STK4: variants seen among roughly 807,000 people sequenced by gnomAD.
The protein encoded by STK4 is serine/threonine-protein kinase 4.
A neutral mutation model predicts 64.9 loss-of-function variants in STK4; 30 were observed. That is an observed-to-expected ratio of 0.46 (90% CI 0.35 to 0.63). The LOEUF (loss-of-function observed/expected upper bound fraction) is 0.63. STK4 is among the 20% of genes least tolerant of loss of function. The pLI is 0.01. For missense variants in STK4, 466 were observed against 598.5 expected, an observed-to-expected ratio of 0.78 and a Z score of 2.31; for synonymous variants, 177 against 199.0, an observed-to-expected ratio of 0.89 and a Z score of 0.93.
chr20:44,978,576 A>T lies in STK4; in HGVS notation c.245+5A>T, dbSNP rs1320200335. ...TATAATGCAGCAATGTGACAGGTAA[A>T]GGCATGTGGGCTTCCTTTGGGGAGA... On this transcript the variant is annotated splice_donor_5th_base_variant and intron_variant, in intron 3 of 10. Coordinates refer to ENST00000372806, the MANE Select transcript of STK4 (RefSeq NM_006282.5). 1 of 1,613,694 alleles carries T rather than the reference A, an allele frequency of 6.2e-7. No homozygotes were observed.
At chr20:44,988,413 G>C (rs2067568659) in intron 5 of STK4, among the ~76,000 whole-genome samples, 1 of 151,106 alleles carries the variant, frequency 6.6e-6, no homozygotes, top group African/African-American at 2.4e-5. Context: ...TACTTGGGAG[G>C]CTGAACCTGG....
chr20:45,054,103 A>C (rs1978313315), intron 10 of STK4, among the ~76,000 whole-genome samples: 1 of 152,140 alleles, frequency 6.6e-6, no homozygotes, highest in Non-Finnish European at 1.5e-5. Context: ...TTGCCAGTTC[A>C]TTGTTACCAA....
At chr20:45,027,603 A>C (rs2068375249) in intron 10 of STK4, among the ~76,000 whole-genome samples, 1 of 152,258 alleles carries the variant, frequency 6.6e-6, no homozygotes, top group Non-Finnish European at 1.5e-5. Flanking sequence ...ATTACCTCAG[A>C]CGTTTTTCTT....
At chr20:45,021,448 A>G (rs1407022175) in intron 9 of STK4, among the ~76,000 whole-genome samples, 1 of 152,240 alleles carries the variant, frequency 6.6e-6, no homozygotes, top group Admixed American at 6.5e-5. Flanking sequence ...ACTCTCACAC[A>G]TGAAGAAAGA....
At chr20:45,017,010 A>G (rs1156999522) in intron 9 of STK4, among the ~76,000 whole-genome samples, 1 of 152,252 alleles carries the variant, frequency 6.6e-6, no homozygotes, top group Non-Finnish European at 1.5e-5. Flanking sequence ...AAGTGGATCT[A>G]TAAAGAAAAA....
intron 9 of STK4, among the ~76,000 whole-genome samples, chr20:45,003,115 C>G (rs2067870939): frequency 1.3e-5 from 2 of 152,052 alleles, no homozygotes; most frequent in Non-Finnish European, 2.9e-5. Flanking sequence ...TCAAACTATC[C>G]TCCCACCTCA....
chr20:45,075,724 T>G lies in STK4; in HGVS notation c.*548T>G, dbSNP rs1434363344. The G allele has an allele frequency of 6.5e-6, 1 of 152,804 alleles. No homozygotes were observed. The highest frequency in any genetic ancestry group is 2.4e-5 in the African/African-American group (1 of 41,446). 9.5% of individuals were successfully genotyped at this position (152,804 alleles called of 1,614,324 possible). A position where few individuals can be genotyped will look rare whatever the true frequency, so the allele number is the denominator to read the frequency against. Reference sequence around the variant, plus strand: ...GAATCCCAGGAGCCAACCTCCCCCTTTGCAGGGCTGCATTTAAAAATTAGG... The same window carrying G: ...GAATCCCAGGAGCCAACCTCCCCCTGTGCAGGGCTGCATTTAAAAATTAGG... On this transcript the variant is annotated 3_prime_UTR_variant, in exon 11 of 11. Transcript: ENST00000372806.
chr20:45,016,831 A>C (rs1332867646), intron 9 of STK4, among the ~76,000 whole-genome samples: 1 of 152,240 alleles, frequency 6.6e-6, no homozygotes, highest in Admixed American at 6.5e-5. Flanking sequence ...AATGAAGAAC[A>C]TAGGAAAGTG....
chr20:45,037,721 C>T (rs1029861748), intron 10 of STK4, among the ~76,000 whole-genome samples: 3 of 152,116 alleles, frequency 2.0e-5, no homozygotes, highest in Non-Finnish European at 2.9e-5. Flanking sequence ...TAGATCAGGG[C>T]TCCAAATCTG....
intron 10 of STK4, among the ~76,000 whole-genome samples, chr20:45,045,047 T>G (rs993591302): frequency 1.3e-5 from 2 of 152,232 alleles, no homozygotes; most frequent in Non-Finnish European, 2.9e-5. Context: ...TTATTTTTAT[T>G]TCACATTTTA....
Position 44,987,166 on chromosome 20 carries a change from C to G in STK4, c.395C>G (p.Ser132Ter). ...TEDEIATILQSTLKGLEYLHF... is the reference protein window; with the variant it reads ...TEDEIATILQ ...GATGAAATAGCTACAATATTACAAT[C>G]AACTCTTAAGGGACTTGAATACCTT... is the stretch of plus-strand genomic sequence containing the variant. The change falls in exon 5 of 11, where the codon TCA becomes TGA. Residue 132 changes from serine (S) to a stop codon, truncating the protein, a stop_gained. Coordinates refer to ENST00000372806, the MANE Select transcript of STK4 (RefSeq NM_006282.5). LOFTEE classifies it high-confidence loss of function. The G allele has an allele frequency of 6.3e-7, 1 of 1,596,678 alleles. No homozygotes were observed. Among genetic ancestry groups the G allele is most frequent in the Non-Finnish European group, 8.5e-7 (1 of 1,172,068 alleles).
intron 5 of STK4, among the ~76,000 whole-genome samples, chr20:44,991,265 A>G (rs537883023): frequency 6.6e-6 from 1 of 152,328 alleles, no homozygotes; most frequent in South Asian, 2.1e-4. Context: ...TTGGGTGCCC[A>G]TTAAGGTTGC....
At chr20:45,067,136 G>T (rs776216244) in intron 10 of STK4, among the ~76,000 whole-genome samples, 2 of 151,888 alleles carry the variant, frequency 1.3e-5, no homozygotes, top group East Asian at 3.9e-4. Context: ...GCACTTTTCC[G>T]GACTTTCTAG....
chr20:45,048,923 G>A (rs1025361531), intron 10 of STK4, among the ~76,000 whole-genome samples: 11 of 151,808 alleles, frequency 7.2e-5, no homozygotes, highest in South Asian at 2.1e-4. Context: ...TAGACCTTTT[G>A]TGTTTTCTCT....
In STK4 at chr20:45,040,336, T is replaced by C. The variant is rs1304215350; in HGVS notation, c.1305+15206T>C. ...TGATTTTTTGATTTTTATTATAATTTTCAAAATAATGTATTGGTTCCCTGG... is the reference window on the plus strand; with the variant it reads ...TGATTTTTTGATTTTTATTATAATTCTCAAAATAATGTATTGGTTCCCTGG... On this transcript the variant is annotated intron_variant, in intron 10 of 10. Transcript: ENST00000372806. Among the ~76,000 whole-genome samples, 43 of 152,192 alleles carry C rather than the reference T, an allele frequency of 2.8e-4. 1 individual carries two copies. Among genetic ancestry groups the C allele is most frequent in the Non-Finnish European group, 1.5e-4 (10 of 67,954 alleles).
chr20:45,026,306 G>C (rs1016588245), intron 10 of STK4, among the ~76,000 whole-genome samples: 2 of 132,046 alleles, frequency 1.5e-5, no homozygotes, highest in Non-Finnish European at 3.2e-5. Context: ...AGGGAGGTTA[G>C]GAGACAGAAA....
In STK4 at chr20:45,047,589, T is replaced by C. The variant is rs139600655; in HGVS notation, c.1305+22459T>C. 2.2e-3 allele frequency among the ~76,000 whole-genome samples: 337 copies of C among 152,354 alleles called. 3 individuals carry two copies. Among genetic ancestry groups the C allele is most frequent in the African/African-American group, 7.6e-3 (317 of 41,578 alleles). ...TGTAATATCCATTCATCTATGTGTA[T>C]AGGAATATGTTAATTGGACTATAAT... On this transcript the variant is annotated intron_variant, in intron 10 of 10. Transcript: ENST00000372806.
chr20:45,049,175 G>A (rs1335537174), intron 10 of STK4, among the ~76,000 whole-genome samples: 1 of 152,180 alleles, frequency 6.6e-6, no homozygotes, highest in Non-Finnish European at 1.5e-5. Flanking sequence ...CATTGGATCA[G>A]AGGGTGGCCA....
At chr20:44,986,164 A>T (rs2067526715) in intron 4 of STK4, among the ~76,000 whole-genome samples, 2 of 152,204 alleles carry the variant, frequency 1.3e-5, no homozygotes, top group South Asian at 2.1e-4. Flanking sequence ...ATGATATCAC[A>T]TACATAGATA....
Sources: gnomAD v4.1 joint callset for allele counts (sites outside exome capture counted in the v4.1 genomes callset) on GRCh38, gnomAD v4.1.1 for gene constraint, MANE v1.5 for transcripts, NCBI Gene and HGNC (gene_info 2026-07-23, HGNC 2026-07-21) for gene names.